CLK4: variants seen among roughly 807,000 people sequenced by gnomAD.
The protein encoded by CLK4 is dual specificity protein kinase CLK4.
CLK4 carries 37 observed loss-of-function variants against 64.4 expected under a neutral mutation model. The observed-to-expected ratio is 0.57, with a 90% CI of 0.44 to 0.76. The LOEUF (loss-of-function observed/expected upper bound fraction) is 0.76. CLK4 is among the 30% of genes least tolerant of loss of function. The pLI, the probability that CLK4 is intolerant of heterozygous loss-of-function variation, is 0.00. For synonymous variants in CLK4, 175 were observed against 191.6 expected (o/e 0.91, Z 0.72); for missense variants, 457 against 605.1 (o/e 0.76, Z 2.57).
intron 9 of CLK4, among the ~76,000 whole-genome samples, chr5:178,610,785 T>C (rs1013607349): frequency 8.6e-5 from 13 of 150,788 alleles, no homozygotes; most frequent in African/African-American, 2.4e-4. Flanking sequence ...AAAAAAAAAA[T>C]CCTTGGCCGG....
At chr5:178,611,019 G>C (rs1358996322) in intron 9 of CLK4, among the ~76,000 whole-genome samples, 1 of 151,370 alleles carries the variant, frequency 6.6e-6, no homozygotes, top group Non-Finnish European at 1.5e-5. Flanking sequence ...GTTGCAGTGA[G>C]CCGAGATGGT....
intron 2 of CLK4, chr5:178,621,746 A>G (rs1438187463): frequency 6.6e-6 from 1 of 152,182 alleles, no homozygotes; most frequent in Non-Finnish European, 1.5e-5. Context: ...AAGAGTTCAC[A>G]TGCTTTAACT....
In CLK4 at chr5:178,618,707, T is replaced by A; in HGVS notation, c.233A>T (p.Asn78Ile). ...RDRRYVDEYR[N>I]DYCEGYVPRH... ...AGGAACATATCCTTCACAGTAGTCA[T>A]TCCTGTATTCGTCAACGTATCTCCG... Residue 78 changes from asparagine to isoleucine, a missense_variant, in exon 3 of 13, where the codon AAT (asparagine) becomes ATT (isoleucine). Transcript: ENST00000316308. 6.2e-7 allele frequency: 1 copy of A among 1,614,024 alleles called. No individual in the cohort carries two copies. Among genetic ancestry groups the A allele is most frequent in the Non-Finnish European group, 8.5e-7 (1 of 1,179,916 alleles).
At chr5:178,615,181 T>C (rs1050370982) in intron 5 of CLK4, among the ~76,000 whole-genome samples, 1 of 152,116 alleles carries the variant, frequency 6.6e-6, no homozygotes, top group African/African-American at 2.4e-5. Flanking sequence ...TGAGACTCCA[T>C]CTCATTAAAA....
intron 10 of CLK4, 33 bp from the exon 11 acceptor site, chr5:178,605,415 C>T: frequency 8.1e-7 from 1 of 1,240,096 alleles, no homozygotes; most frequent in Non-Finnish European, 1.1e-6. Flanking sequence ...ATTTAGTACT[C>T]TCCATTTCCC....
Position 178,602,670 on chromosome 5 carries a change from CAA to C in CLK4, c.*945_*946del, listed in dbSNP as rs1163196910. On this transcript the variant is annotated 3_prime_UTR_variant, in exon 13 of 13. Coordinates refer to ENST00000316308, the MANE Select transcript of CLK4 (RefSeq NM_020666.3). ...GAACAACAACAACAAACGCTGAAGT[CAA>C]AAAGTTTATGTAACCAATCAATTAA... The C allele has an allele frequency of 1.3e-5, 2 of 152,198 alleles. No individual in the cohort carries two copies. The highest frequency in any genetic ancestry group is 4.8e-5 in the African/African-American group (2 of 41,440). 9.4% of individuals were successfully genotyped at this position (152,198 alleles called of 1,614,324 possible).
intron 2 of CLK4, chr5:178,620,065 C>T (rs910552296): frequency 2.9e-5 from 10 of 344,192 alleles, no homozygotes. Flanking sequence ...GAAATAGAAG[C>T]ATCTTTACAA....
chr5:178,621,203 C>G (rs556922123), intron 2 of CLK4, among the ~76,000 whole-genome samples: 8 of 152,114 alleles, frequency 5.3e-5, no homozygotes, highest in Non-Finnish European at 1.2e-4. Flanking sequence ...AATGGTAACC[C>G]TGGGCCTTAG....
At chr5:178,611,199 A>C (rs1055356481) in intron 9 of CLK4, among the ~76,000 whole-genome samples, 2 of 152,158 alleles carry the variant, frequency 1.3e-5, no homozygotes, top group Non-Finnish European at 2.9e-5. Flanking sequence ...TTGGGGAAAA[A>C]TCTGATTCTT....
intron 9 of CLK4, among the ~76,000 whole-genome samples, chr5:178,609,779 T>G (rs915527771): frequency 4.7e-5 from 7 of 148,360 alleles, no homozygotes; most frequent in Non-Finnish European, 7.4e-5. Flanking sequence ...TGTGGTGGTG[T>G]GCACTTGTAA....
intron 2 of CLK4, chr5:178,622,538 T>C (rs1367836147): frequency 7.3e-6 from 3 of 409,356 alleles, no homozygotes; most frequent in Non-Finnish European, 9.9e-6. Context: ...TTACCTAGCC[T>C]TTCTTTAATC....
chr5:178,619,200 T>A (rs1187711422), intron 2 of CLK4, among the ~76,000 whole-genome samples: 1 of 152,234 alleles, frequency 6.6e-6, no homozygotes, highest in East Asian at 1.9e-4. Flanking sequence ...AATTCCTTCA[T>A]GAAAGGTATA....
chr5:178,624,861 C>G (rs1764757384), intron 1 of CLK4, among the ~76,000 whole-genome samples: 1 of 152,104 alleles, frequency 6.6e-6, no homozygotes, highest in Non-Finnish European at 1.5e-5. Context: ...GGAGGTATTC[C>G]ACAAGAAAGT....
intron 9 of CLK4, among the ~76,000 whole-genome samples, chr5:178,609,009 A>C (rs2113802096): frequency 6.6e-6 from 1 of 152,338 alleles, no homozygotes; most frequent in Middle Eastern, 3.4e-3. Flanking sequence ...ACCTATAAGC[A>C]GAAATTACAG....
Position 178,613,357 on chromosome 5 carries a change from C to T in CLK4, c.826+116G>A, listed in dbSNP as rs112867871. 1,731 of 641,592 alleles carry T rather than the reference C, an allele frequency of 2.7e-3. 29 individuals carry two copies. In the African/African-American group the frequency reaches 0.03, roughly 11 times the overall value. 39.7% of individuals were successfully genotyped at this position (641,592 alleles called of 1,614,324 possible). On this transcript the variant is annotated intron_variant, in intron 7 of 12. Coordinates refer to ENST00000316308, the MANE Select transcript of CLK4 (RefSeq NM_020666.3). ...AATGGCGTGAACCCGGGAGGCTGAG[C>T]TTGCTGGGACCCGAGAGCGCCACTG...
intron 2 of CLK4, chr5:178,620,021 T>TTTTTA (rs1764684320): frequency 1.1e-5 from 4 of 379,074 alleles, no homozygotes; most frequent in Non-Finnish European, 2.2e-5. Flanking sequence ...CAGAATATGC[T>TTTTTA]GTCATTCTTT....
At chr5:178,615,200 T>G (rs6886390) in intron 5 of CLK4, among the ~76,000 whole-genome samples, 52,271 of 152,088 alleles carry the variant, frequency 0.34, 9,992 homozygotes, top group Non-Finnish European at 0.45. Context: ...AAAAAAATTT[T>G]TTTTAAGATA....
In CLK4 at chr5:178,626,983, C is replaced by T. The variant is rs1183565707; in HGVS notation, c.-38G>A. On this transcript the variant is annotated 5_prime_UTR_variant, in exon 1 of 13. Transcript: ENST00000316308. Reference sequence around the variant, plus strand: ...AAATGGCCCTTCGGCCGAGAAATGTCGCCAAACTGCCGTCTTCCCTCCTCG... The same window carrying T: ...AAATGGCCCTTCGGCCGAGAAATGTTGCCAAACTGCCGTCTTCCCTCCTCG... 1 of 152,912 alleles carries T rather than the reference C, an allele frequency of 6.5e-6. No individual in the cohort carries two copies. The highest frequency in any genetic ancestry group is 2.4e-5 in the African/African-American group (1 of 41,474). The allele number at this position is 152,912 out of a possible 1,614,324, so 9.5% of individuals were successfully genotyped here.
chr5:178,612,499 T>C lies in CLK4; in HGVS notation c.968A>G (p.Asp323Gly). The part of the protein sequence containing the change: ...TLKNTDIKVV[D>G]FGSATYDDEH... ...ATCATCATACGTTGCACTTCCAAAG[T>C]CAACAACTTTGATATCTGTGTTTTT... Residue 323 changes from aspartate to glycine, a missense_variant, in exon 9 of 13, where the codon GAC becomes GGC. Physicochemically the swap from Asp to Gly is moderately conservative, Grantham distance 94. Transcript: ENST00000316308. 6.2e-7 allele frequency: 1 copy of C among 1,614,066 alleles called. No homozygotes were observed. Among genetic ancestry groups the C allele is most frequent in the Non-Finnish European group, 8.5e-7 (1 of 1,179,956 alleles).
Sources: allele counts gnomAD v4.1 joint callset (sites outside exome capture counted in the v4.1 genomes callset), GRCh38; gene constraint gnomAD v4.1.1; transcripts MANE v1.5; gene names NCBI Gene and HGNC (gene_info 2026-07-23, HGNC 2026-07-21).